NRG1: variants seen among roughly 807,000 people sequenced by gnomAD.
NRG1 encodes the protein pro-neuregulin-1, membrane-bound isoform.
NRG1 carries 18 observed loss-of-function variants against 63.8 expected under a neutral mutation model. That is an observed-to-expected ratio of 0.28 (90% confidence interval 0.19 to 0.42). NRG1 has a LOEUF of 0.42. NRG1 is among the 10% of genes least tolerant of loss of function. The probability of loss-of-function intolerance (pLI) is 1.00; values close to 1 mark genes in which losing one functional copy is unlikely to be tolerated. For missense variants in NRG1, 762 were observed against 814.7 expected, an observed-to-expected ratio of 0.94 and a Z score of 0.79; for synonymous variants, 302 against 301.3, an observed-to-expected ratio of 1.00 and a Z score of -0.02.
chr8:32,408,513 G>A (rs1392989803), intron 1 of NRG1, among the ~76,000 whole-genome samples: 1 of 152,186 alleles, frequency 6.6e-6, no homozygotes, highest in East Asian at 1.9e-4. Flanking sequence ...AAAGCACTTA[G>A]ATCCCTGCTG....
At chr8:32,512,649 C>T (rs146697087) in intron 1 of NRG1, among the ~76,000 whole-genome samples, 1 of 152,256 alleles carries the variant, frequency 6.6e-6, no homozygotes, top group East Asian at 1.9e-4. Context: ...GTAACTTGTT[C>T]AAGTCCACAC....
intron 5 of NRG1, among the ~76,000 whole-genome samples, chr8:32,690,357 G>A (rs565195772): frequency 2.3e-4 from 35 of 151,646 alleles, no homozygotes; most frequent in Middle Eastern, 3.4e-3. Flanking sequence ...CAGCTTCAGC[G>A]ACTCCTCCAC....
chr8:31,949,049 A>G (rs1366665447), intron 1 of NRG1, among the ~76,000 whole-genome samples: 1 of 152,222 alleles, frequency 6.6e-6, no homozygotes, highest in Non-Finnish European at 1.5e-5. Flanking sequence ...ACACAAAAAA[A>G]CTATATTGGT....
At chr8:32,258,150 GCA>G (rs1315898809) in intron 1 of NRG1, among the ~76,000 whole-genome samples, 2 of 152,126 alleles carry the variant, frequency 1.3e-5, no homozygotes, top group African/African-American at 4.8e-5. Flanking sequence ...CTTCATTTAT[GCA>G]CACTCATCTC....
In NRG1 at chr8:32,097,119, A is replaced by G. The variant is rs199712030; in HGVS notation, c.37+457688A>G. On this transcript the variant is annotated intron_variant, in intron 1 of 10. Transcript: ENST00000519301. ...ATATTTGTGCTTTTGTGTCAGGCTT[A>G]TTTCATGTAACATAATGACCTCCAA... Among the ~76,000 whole-genome samples the G allele has an allele frequency of 3.3e-5, 5 of 152,152 alleles. No homozygotes were observed. In the East Asian group the frequency reaches 5.8e-4, roughly 18 times the overall value.
chr8:31,870,620 A>T (rs1320809043), intron 1 of NRG1, among the ~76,000 whole-genome samples: 2 of 152,202 alleles, frequency 1.3e-5, no homozygotes, highest in Non-Finnish European at 2.9e-5. Flanking sequence ...TAAACACAAA[A>T]TAAAACCAAT....
At chr8:31,639,296 C>T in exon 1 of NRG1, 6 of 1,442,354 alleles carry the variant, frequency 4.2e-6, no homozygotes, top group Non-Finnish European at 5.6e-6. Flanking sequence ...GCCCGTCCTC[C>T]CATTGCAGCA....
intron 1 of NRG1, among the ~76,000 whole-genome samples, chr8:32,282,217 C>G (rs1487142): frequency 0.25 from 37,577 of 152,014 alleles, 5,951 homozygotes; most frequent in African/African-American, 0.46. Context: ...AAAGTATCAC[C>G]CACAATGCAC....
At chr8:31,873,370 C>T (rs1318482452) in intron 1 of NRG1, among the ~76,000 whole-genome samples, 1 of 152,074 alleles carries the variant, frequency 6.6e-6, no homozygotes, top group Non-Finnish European at 1.5e-5. Flanking sequence ...ACCAGCCTAA[C>T]CAACATGGTG....
intron 1 of NRG1, among the ~76,000 whole-genome samples, chr8:32,028,195 G>T (rs374797975): frequency 6.6e-6 from 1 of 151,978 alleles, no homozygotes; most frequent in Non-Finnish European, 1.5e-5. Flanking sequence ...AGAAAATTGC[G>T]CAAAGGACTT....
At chr8:32,394,767 G>A (rs1308151823) in intron 1 of NRG1, among the ~76,000 whole-genome samples, 1 of 152,102 alleles carries the variant, frequency 6.6e-6, no homozygotes, top group East Asian at 1.9e-4. Flanking sequence ...CTTCAAGTGA[G>A]ATTGACTTTT....
At chr8:31,881,952 G>T (rs1362275967) in intron 1 of NRG1, among the ~76,000 whole-genome samples, 1 of 152,182 alleles carries the variant, frequency 6.6e-6, no homozygotes, top group Non-Finnish European at 1.5e-5. Flanking sequence ...TGTAGAAGCT[G>T]CAGCAAGTTA....
chr8:32,572,692 C>G (rs1838831168), intron 1 of NRG1, among the ~76,000 whole-genome samples: 2 of 152,026 alleles, frequency 1.3e-5, no homozygotes, highest in South Asian at 2.1e-4. Flanking sequence ...TGGGTAGATG[C>G]AATTATTCAG....
At chr8:32,336,037 A>G (rs1803222836) in intron 1 of NRG1, among the ~76,000 whole-genome samples, 1 of 152,124 alleles carries the variant, frequency 6.6e-6, no homozygotes, top group Admixed American at 6.6e-5. Context: ...CGGAAATTGT[A>G]CCCAAAGGAC....
intron 1 of NRG1, among the ~76,000 whole-genome samples, chr8:32,314,309 C>T (rs1056194488): frequency 6.6e-6 from 1 of 152,154 alleles, no homozygotes; most frequent in Non-Finnish European, 1.5e-5. Flanking sequence ...AGCTGGGTAA[C>T]TTGCAGTTCC....
chr8:32,404,997 G>A (rs1175830832), intron 1 of NRG1, among the ~76,000 whole-genome samples: 2 of 152,130 alleles, frequency 1.3e-5, no homozygotes, highest in African/African-American at 4.8e-5. Flanking sequence ...CACGTCAGGG[G>A]TTGTACCGCC....
At chr8:32,558,855 A>T (rs1456317806) in intron 1 of NRG1, among the ~76,000 whole-genome samples, 1 of 151,950 alleles carries the variant, frequency 6.6e-6, no homozygotes, top group South Asian at 2.1e-4. Context: ...CCAAAGTGGG[A>T]GATCTCTTGA....
intron 1 of NRG1, among the ~76,000 whole-genome samples, chr8:32,039,767 C>T (rs1210648391): frequency 6.6e-6 from 1 of 152,022 alleles, no homozygotes; most frequent in Non-Finnish European, 1.5e-5. Context: ...GCCTGTTATT[C>T]CAGTGCTTTT....
chr8:31,826,289 T>G (rs751006518), intron 1 of NRG1, among the ~76,000 whole-genome samples: 17 of 152,154 alleles, frequency 1.1e-4, no homozygotes, highest in Admixed American at 5.2e-4. Context: ...AATCTCTACT[T>G]GAACTGTAGC....
Sources: gnomAD v4.1 joint callset for allele counts (sites outside exome capture counted in the v4.1 genomes callset) on GRCh38, gnomAD v4.1.1 for gene constraint, MANE v1.5 for transcripts, NCBI Gene and HGNC (gene_info 2026-07-23, HGNC 2026-07-21) for gene names.